The following EHMT1 variants were observed in gnomAD, a reference collection of about 807,000 sequenced individuals.
EHMT1 encodes the protein histone-lysine N-methyltransferase EHMT1.
Under a neutral mutation model 147.2 loss-of-function variants are expected in EHMT1, and 15 were observed. That is an observed-to-expected ratio of 0.10 (90% confidence interval 0.07 to 0.16). The LOEUF is 0.16. Among genes scored for constraint, EHMT1 ranks in the 10% least tolerant of loss-of-function variants. EHMT1 has a pLI of 1.00. For missense variants in EHMT1, 1,587 were observed against 1,772.4 expected (o/e 0.90, Z 1.88); for synonymous variants, 795 against 709.6 (o/e 1.12, Z -1.91).
At chr9:137,799,807 G>A (rs982760778) in intron 17 of EHMT1, among the ~76,000 whole-genome samples, 1 of 152,220 alleles carries the variant, frequency 6.6e-6, no homozygotes, top group Non-Finnish European at 1.5e-5. Flanking sequence ...ATGCTCAAAG[G>A]CCCATACTCT....
In EHMT1 at chr9:137,731,851, T is replaced by C. The variant is rs1353114692; in HGVS notation, c.823+3322T>C. On this transcript the variant is annotated intron_variant, in intron 4 of 26. Coordinates refer to ENST00000460843, the MANE Select transcript of EHMT1 (RefSeq NM_024757.5). The surrounding 1 kb of genome is among the most constrained non-coding windows in gnomAD (Gnocchi z 4.3). ...CACAGCCAGGCCTGCTTGGCTGCTG[T>C]GGTGGGGCAGGCAGCTCCAGGCTCT... 6.6e-6 allele frequency among the ~76,000 whole-genome samples: 1 copy of C among 152,086 alleles called. No individual in the cohort carries two copies. The highest frequency in any genetic ancestry group is 1.9e-4 in the East Asian group (1 of 5,182).
At chr9:137,738,846 A>T (rs768067599) in intron 4 of EHMT1, 1 of 152,304 alleles carries the variant, frequency 6.6e-6, no homozygotes, top group East Asian at 1.9e-4. Context: ...GAGTCGTCCA[A>T]CTGATGGACA....
At chr9:137,702,332 A>G (rs1325516756) in intron 1 of EHMT1, among the ~76,000 whole-genome samples, 1 of 152,246 alleles carries the variant, frequency 6.6e-6, no homozygotes, top group African/African-American at 2.4e-5. Context: ...AGCCTGTAAA[A>G]TAAAAAGCTT....
chr9:137,755,911 TG>T (rs1229758519), intron 8 of EHMT1, among the ~76,000 whole-genome samples: 1 of 152,180 alleles, frequency 6.6e-6, no homozygotes, highest in African/African-American at 2.4e-5. Flanking sequence ...TTCTTCTCAT[TG>T]GGTTAAAAGA....
intron 1 of EHMT1, among the ~76,000 whole-genome samples, chr9:137,682,925 G>A (rs1016094372): frequency 6.6e-6 from 1 of 152,228 alleles, no homozygotes; most frequent in Non-Finnish European, 1.5e-5. Context: ...GCACGTGCGA[G>A]TGAGTGCCCA....
chr9:137,694,336 G>C (rs1194586111), intron 1 of EHMT1, among the ~76,000 whole-genome samples: 3 of 147,898 alleles, frequency 2.0e-5, no homozygotes, highest in African/African-American at 7.5e-5. Context: ...AGTGGCGCAG[G>C]ACGCTGGCCG....
intron 1 of EHMT1, among the ~76,000 whole-genome samples, chr9:137,702,852 C>T (rs1415057070): frequency 2.6e-5 from 4 of 152,258 alleles, no homozygotes; most frequent in Non-Finnish European, 5.9e-5. Context: ...TTGGCCTCCA[C>T]ATCCAGCATC....
intron 25 of EHMT1, among the ~76,000 whole-genome samples, chr9:137,822,415 G>C (rs1222018186): frequency 6.6e-6 from 1 of 152,086 alleles, no homozygotes; most frequent in African/African-American, 2.4e-5. Flanking sequence ...TCATATGATG[G>C]GGTACCTTTA....
Position 137,716,956 on chromosome 9 carries a change from C to G in EHMT1, c.416C>G (p.Thr139Ser). 6.2e-7 allele frequency: 1 copy of G among 1,612,784 alleles called. No individual in the cohort carries two copies. Among genetic ancestry groups the G allele is most frequent in the Non-Finnish European group, 8.5e-7 (1 of 1,179,704 alleles). Reference sequence around the variant, plus strand: ...GCCCTACAGGCACAGCCCTTGAGGACTACCAGCACTCTGGCCTCTTCGCTG... The same window carrying G: ...GCCCTACAGGCACAGCCCTTGAGGAGTACCAGCACTCTGGCCTCTTCGCTG... Reference protein sequence around the residue: ...KPALQAQPLRTTSTLASSLPG... With the variant: ...KPALQAQPLRSTSTLASSLPG... The change falls in exon 3 of 27, where the codon ACT (threonine) becomes AGT (serine). Residue 139 changes from threonine to serine, a missense_variant. By Grantham distance (58) the Thr-to-Ser change is moderately conservative. Coordinates refer to ENST00000460843, the MANE Select transcript of EHMT1 (RefSeq NM_024757.5).
chr9:137,721,439 T>C (rs1469365084), intron 3 of EHMT1, among the ~76,000 whole-genome samples: 4 of 10,566 alleles, frequency 3.8e-4, no homozygotes, highest in South Asian at 0.012. Flanking sequence ...CCTCTCACCC[T>C]CTCCCACGCC....
intron 3 of EHMT1, among the ~76,000 whole-genome samples, chr9:137,724,932 G>A (rs1197012596): frequency 6.6e-6 from 1 of 151,192 alleles, no homozygotes; most frequent in East Asian, 1.9e-4. Context: ...TGGCAGGCTT[G>A]TGGCATTCGT....
intron 2 of EHMT1, among the ~76,000 whole-genome samples, chr9:137,711,358 C>T (rs781708203): frequency 6.6e-6 from 1 of 152,174 alleles, no homozygotes; most frequent in Non-Finnish European, 1.5e-5. Flanking sequence ...CGGAGACACT[C>T]CGGTGTCCTC....
chr9:137,825,839 C>T (rs773361087), intron 25 of EHMT1, among the ~76,000 whole-genome samples: 4 of 152,100 alleles, frequency 2.6e-5, no homozygotes, highest in Admixed American at 6.5e-5. Flanking sequence ...TCTACACCGG[C>T]GGGGCTGCCC....
chr9:137,712,046 CT>C (rs1310673316), intron 2 of EHMT1, among the ~76,000 whole-genome samples: 2 of 152,252 alleles, frequency 1.3e-5, no homozygotes, highest in African/African-American at 4.8e-5. Context: ...GCCGCTACCC[CT>C]AGCCGGCCCT....
intron 1 of EHMT1, among the ~76,000 whole-genome samples, chr9:137,630,091 A>G (rs1236435420): frequency 6.6e-6 from 1 of 152,224 alleles, no homozygotes; most frequent in Non-Finnish European, 1.5e-5. Context: ...CATCACTGTG[A>G]GCTGCTGTTT....
At chr9:137,622,900 C>T (rs1843019621) in intron 1 of EHMT1, among the ~76,000 whole-genome samples, 1 of 143,046 alleles carries the variant, frequency 7.0e-6, no homozygotes, top group Non-Finnish European at 1.5e-5. Context: ...GAGCAAAATC[C>T]TGTCTCAAAA....
chr9:137,798,946 T>C, intron 17 of EHMT1, 32 bp downstream of exon 17: 1 of 1,527,256 alleles, frequency 6.5e-7, no homozygotes, highest in Non-Finnish European at 9.1e-7. Context: ...AGCAGTACAC[T>C]GTGTGGACTG....
intron 25 of EHMT1, among the ~76,000 whole-genome samples, chr9:137,827,319 C>T (rs1344267599): frequency 6.6e-6 from 1 of 152,158 alleles, no homozygotes; most frequent in Non-Finnish European, 1.5e-5. Flanking sequence ...CTCCTCCCTG[C>T]ACCCTCTCAC....
intron 1 of EHMT1, among the ~76,000 whole-genome samples, chr9:137,649,700 T>C (rs1352539411): frequency 6.6e-6 from 1 of 152,088 alleles, no homozygotes; most frequent in Non-Finnish European, 1.5e-5. Context: ...AGCCAAGTGT[T>C]GCGAACCAGG....
Sources: gnomAD v4.1 joint callset for allele counts (sites outside exome capture counted in the v4.1 genomes callset) on GRCh38, gnomAD v4.1.1 for gene constraint, Gnocchi (gnomAD v3.1) non-coding constraint, MANE v1.5 for transcripts, NCBI Gene and HGNC (gene_info 2026-07-23, HGNC 2026-07-21) for gene names.